The following EPB41L3 variants were observed in gnomAD, a reference collection of about 807,000 sequenced individuals.
EPB41L3 encodes band 4.1-like protein 3.
Under a neutral mutation model 127.1 loss-of-function variants are expected in EPB41L3, and 57 were observed. That is an observed-to-expected ratio of 0.45 (90% CI 0.36 to 0.56). The LOEUF (loss-of-function observed/expected upper bound fraction) is 0.56. EPB41L3 is among the 20% of genes least tolerant of loss of function. EPB41L3 has a pLI of 0.00. For missense variants in EPB41L3, 1,273 were observed against 1,372.2 expected (o/e 0.93, Z 1.14); for synonymous variants, 572 against 549.5 (o/e 1.04, Z -0.57).
chr18:5,543,947 G>A lies in EPB41L3; in HGVS notation c.-46C>T. ...GCAGGGAGCCCGGGCGCGCCGCGGC[G>A]TGGGGACTAGGCTCGGGCGCGCGTC... On this transcript the variant is annotated 5_prime_UTR_variant, in exon 1 of 23. It adds an upstream start codon to the 5' untranslated region. Transcript: ENST00000341928. The surrounding 1 kb of genome is among the most constrained non-coding windows in gnomAD (Gnocchi z 5.2). The A allele has an allele frequency of 2.0e-6, 2 of 985,774 alleles. No individual in the cohort carries two copies. Among genetic ancestry groups the A allele is most frequent in the African/African-American group, 3.5e-5 (2 of 57,350 alleles). The allele number at this position is 985,774 out of a possible 1,614,324, so 61.1% of individuals were successfully genotyped here.
intron 1 of EPB41L3, chr18:5,614,562 G>A (rs907571213): frequency 1.3e-5 from 2 of 152,156 alleles, no homozygotes; most frequent in African/African-American, 4.8e-5. Context: ...CTTCTCTGCT[G>A]CTTTAGAAAT....
chr18:5,517,385 A>G (rs2092791404), intron 1 of EPB41L3, among the ~76,000 whole-genome samples: 1 of 152,064 alleles, frequency 6.6e-6, no homozygotes, highest in Non-Finnish European at 1.5e-5. Flanking sequence ...ATATTCCAGC[A>G]CAAATATGTA....
intron 16 of EPB41L3, chr18:5,400,950 C>G: frequency 6.7e-7 from 1 of 1,500,620 alleles, no homozygotes; most frequent in Non-Finnish European, 9.0e-7. Flanking sequence ...CTGGAAAATC[C>G]TTTATGTTTG....
intron 1 of EPB41L3, among the ~76,000 whole-genome samples, chr18:5,540,763 T>C (rs1017650888): frequency 2.0e-5 from 3 of 152,084 alleles, no homozygotes; most frequent in Non-Finnish European, 4.4e-5. Flanking sequence ...ACTATGGGAA[T>C]TAAAGACGGC....
chr18:5,523,434 C>T (rs1400758082), intron 1 of EPB41L3, among the ~76,000 whole-genome samples: 2 of 152,160 alleles, frequency 1.3e-5, no homozygotes, highest in Non-Finnish European at 2.9e-5. Context: ...AATTTACATA[C>T]AATCTTGTTG....
intron 3 of EPB41L3, among the ~76,000 whole-genome samples, chr18:5,552,614 T>G (rs967597854): frequency 6.6e-6 from 1 of 152,216 alleles, no homozygotes; most frequent in South Asian, 2.1e-4. Context: ...ATTGGGATAC[T>G]GGTACATCAC....
intron 1 of EPB41L3, among the ~76,000 whole-genome samples, chr18:5,533,706 C>G (rs2093480847): frequency 6.6e-6 from 1 of 152,192 alleles, no homozygotes; most frequent in Admixed American, 6.5e-5. Flanking sequence ...ATATTAAGAG[C>G]TACGTACTTT....
intron 1 of EPB41L3, among the ~76,000 whole-genome samples, chr18:5,542,921 A>G (rs1350121628): frequency 1.3e-5 from 2 of 152,172 alleles, no homozygotes; most frequent in Admixed American, 6.5e-5. Context: ...CCCCTGCGGC[A>G]GCAGCCAGGA....
chr18:5,542,842 A>G (rs989692437), intron 1 of EPB41L3, among the ~76,000 whole-genome samples: 2 of 152,216 alleles, frequency 1.3e-5, no homozygotes, highest in African/African-American at 4.8e-5. Flanking sequence ...AGAAGCCATG[A>G]ACTTGGCGGG....
chr18:5,524,639 G>A (rs1425007782), intron 1 of EPB41L3, among the ~76,000 whole-genome samples: 3 of 152,188 alleles, frequency 2.0e-5, no homozygotes, highest in African/African-American at 7.2e-5. Flanking sequence ...TCGCTAAAAC[G>A]TAATTCAATC....
intron 2 of EPB41L3, among the ~76,000 whole-genome samples, chr18:5,483,455 G>T (rs1484256227): frequency 6.6e-6 from 1 of 152,036 alleles, no homozygotes; most frequent in Admixed American, 6.5e-5. Flanking sequence ...ACCAGAAACA[G>T]GCAGCAAAAC....
At chr18:5,626,708 G>A (rs1458854969) in intron 1 of EPB41L3, among the ~76,000 whole-genome samples, 2 of 152,192 alleles carry the variant, frequency 1.3e-5, no homozygotes, top group Non-Finnish European at 2.9e-5. Flanking sequence ...GTTGCCCAGA[G>A]TGGACTGTGA....
At chr18:5,482,566 C>T (rs548393243) in intron 2 of EPB41L3, among the ~76,000 whole-genome samples, 2 of 152,212 alleles carry the variant, frequency 1.3e-5, no homozygotes, top group African/African-American at 2.4e-5. Flanking sequence ...AATAAACTCT[C>T]AAAGCTCAAG....
chr18:5,515,550 C>T (rs938185013), intron 1 of EPB41L3, among the ~76,000 whole-genome samples: 1 of 143,546 alleles, frequency 7.0e-6, no homozygotes, highest in Non-Finnish European at 1.5e-5. Flanking sequence ...CTCTCTTGGT[C>T]TTTTACATAA....
chr18:5,451,724 A>G (rs1192807646), intron 3 of EPB41L3, among the ~76,000 whole-genome samples: 2 of 152,222 alleles, frequency 1.3e-5, no homozygotes, highest in Non-Finnish European at 2.9e-5. Context: ...CACCGAAGCA[A>G]TGTTTTAAAC....
chr18:5,609,207 T>C (rs931520089), intron 3 of EPB41L3, among the ~76,000 whole-genome samples: 1 of 152,186 alleles, frequency 6.6e-6, no homozygotes, highest in Non-Finnish European at 1.5e-5. Flanking sequence ...AATTTTCCTA[T>C]GGAGGTATGC....
At chr18:5,592,701 G>A (rs1453845666) in intron 3 of EPB41L3, among the ~76,000 whole-genome samples, 2 of 152,182 alleles carry the variant, frequency 1.3e-5, no homozygotes, top group African/African-American at 4.8e-5. Flanking sequence ...TGAGACAGAA[G>A]TCTGGACAGC....
chr18:5,627,284 G>C (rs1361882598), intron 1 of EPB41L3, among the ~76,000 whole-genome samples: 1 of 152,130 alleles, frequency 6.6e-6, no homozygotes, highest in East Asian at 1.9e-4. Context: ...AGCTTCATAT[G>C]GGCAGATGTG....
intron 3 of EPB41L3, among the ~76,000 whole-genome samples, chr18:5,551,877 A>G (rs555744383): frequency 1.3e-4 from 20 of 152,200 alleles, no homozygotes; most frequent in Non-Finnish European, 2.5e-4. Context: ...CTTAAGCTGT[A>G]TCCCAAACCA....
Sources: allele counts gnomAD v4.1 joint callset (sites outside exome capture counted in the v4.1 genomes callset), GRCh38; gene constraint gnomAD v4.1.1; non-coding constraint Gnocchi (gnomAD v3.1); transcripts MANE v1.5; gene names NCBI Gene and HGNC (gene_info 2026-07-23, HGNC 2026-07-21).